BRINP2: variants seen among roughly 807,000 people sequenced by gnomAD.
BRINP2 encodes BMP/retinoic acid-inducible neural-specific protein 2.
In BRINP2, 21 loss-of-function variants were observed where a neutral mutation model predicts 69.2. The observed-to-expected ratio is 0.30, with a 90% confidence interval of 0.22 to 0.44. The LOEUF (loss-of-function observed/expected upper bound fraction) is 0.44, where lower values mean the gene tolerates loss of function less well. BRINP2 is among the 20% of genes least tolerant of loss of function. BRINP2 has a pLI of 1.00. For missense variants in BRINP2, 877 were observed against 986.0 expected, an observed-to-expected ratio of 0.89 and a Z score of 1.48; for synonymous variants, 380 against 394.1, an observed-to-expected ratio of 0.96 and a Z score of 0.42.
chr1:177,243,979 T>C (rs1180895784), intron 2 of BRINP2, among the ~76,000 whole-genome samples: 1 of 36,446 alleles, frequency 2.7e-5, no homozygotes, highest in Non-Finnish European at 5.4e-5. Flanking sequence ...GCTGTGGGGG[T>C]GGGGGTGGGA....
At position 177,278,714 on chromosome 1, in the gene BRINP2, G is replaced by A; in HGVS notation, c.1164G>A (p.Arg388=). 6.2e-7 allele frequency: 1 copy of A among 1,614,186 alleles called. No homozygotes were observed. The highest frequency in any genetic ancestry group is 8.5e-7 in the Non-Finnish European group (1 of 1,180,052). Residue 388 remains arginine, a synonymous_variant, in exon 7 of 8, where the codon CGG becomes CGA. Coordinates refer to ENST00000361539, the MANE Select transcript of BRINP2 (RefSeq NM_021165.4). ...GLKVLFKKTH[R]ILRRLFNLCK... ...AAGTGCTGTTCAAAAAGACCCATCG[G>A]ATCCTACGCCGGCTCTTCAACCTCT...
chr1:177,193,623 G>A (rs965525597), intron 1 of BRINP2, among the ~76,000 whole-genome samples: 6 of 152,128 alleles, frequency 3.9e-5, no homozygotes, highest in East Asian at 1.9e-4. Context: ...CATGGAGAAG[G>A]AAATAAAAGA....
intron 1 of BRINP2, among the ~76,000 whole-genome samples, chr1:177,191,074 T>C (rs1648582612): frequency 6.6e-6 from 1 of 152,168 alleles, no homozygotes; most frequent in Non-Finnish European, 1.5e-5. Context: ...CCAGAGAGCG[T>C]TGTCCTTCCA....
At chr1:177,172,994 A>T (rs1389728736) in intron 1 of BRINP2, among the ~76,000 whole-genome samples, 1 of 152,222 alleles carries the variant, frequency 6.6e-6, no homozygotes, top group African/African-American at 2.4e-5. Flanking sequence ...GCTAAAATAC[A>T]TGCAATGCCA....
chr1:177,248,432 A>C (rs1356965973), intron 2 of BRINP2, among the ~76,000 whole-genome samples: 5 of 149,654 alleles, frequency 3.3e-5, no homozygotes, highest in Admixed American at 1.3e-4. Context: ...ACTGAGGTAC[A>C]GTTTGTGTGT....
intron 4 of BRINP2, among the ~76,000 whole-genome samples, chr1:177,265,535 T>C (rs78740598): frequency 0.022 from 3,325 of 152,298 alleles, 118 homozygotes; most frequent in African/African-American, 0.076. Context: ...TCTAGGTTGC[T>C]ACCATGAGTG....
At chr1:177,243,986 G>GGGGGTC (rs1650294567) in intron 2 of BRINP2, among the ~76,000 whole-genome samples, 1 of 151,376 alleles carries the variant, frequency 6.6e-6, no homozygotes, top group Non-Finnish European at 1.5e-5. Flanking sequence ...GGGTGGGGGT[G>GGGGGTC]GGAAATTGTC....
intron 2 of BRINP2, among the ~76,000 whole-genome samples, chr1:177,240,157 T>G (rs1377377982): frequency 6.6e-6 from 1 of 152,208 alleles, no homozygotes; most frequent in Non-Finnish European, 1.5e-5. Context: ...TCTGCCTCAC[T>G]TGGGGACACA....
In BRINP2 at chr1:177,229,786, T is replaced by G; in HGVS notation, c.-76-15T>G. On this transcript the variant is annotated splice_polypyrimidine_tract_variant and intron_variant, in intron 1 of 7. Coordinates refer to ENST00000361539, the MANE Select transcript of BRINP2 (RefSeq NM_021165.4). ...ACAGGGTGCTCAAATGACAATGCCT[T>G]TTGTACTTTTCCAGCTCCGAGCCCT... 1 of 1,491,426 alleles carries G rather than the reference T, an allele frequency of 6.7e-7. No homozygotes were observed. The highest frequency in any genetic ancestry group is 2.3e-5 in the Admixed American group (1 of 43,584). The allele number at this position is 1,491,426 out of a possible 1,614,324, so 92.4% of individuals were successfully genotyped here.
intron 4 of BRINP2, among the ~76,000 whole-genome samples, chr1:177,259,212 G>C (rs1650862837): frequency 6.6e-6 from 1 of 152,142 alleles, no homozygotes; most frequent in African/African-American, 2.4e-5. Context: ...TGAGTGGTCT[G>C]GATAGAAGAT....
Position 177,184,645 on chromosome 1 carries a change from C to CT in BRINP2, c.-77+12925dup, listed in dbSNP as rs61361222. 5.6e-3 allele frequency among the ~76,000 whole-genome samples: 809 copies of CT among 145,260 alleles called. 3 individuals carry two copies. The highest frequency in any genetic ancestry group is 0.015 in the African/African-American group (610 of 40,218). ...AACATTTTGAAGGTAGAGCCTGAGT[C>CT]TTTTTTTTTTTTAATCATTTTTTTC... is the stretch of plus-strand genomic sequence containing the variant. On this transcript the variant is annotated intron_variant, in intron 1 of 7. Coordinates refer to ENST00000361539, the MANE Select transcript of BRINP2 (RefSeq NM_021165.4).
chr1:177,176,916 G>A (rs1303836014), intron 1 of BRINP2, among the ~76,000 whole-genome samples: 3 of 152,198 alleles, frequency 2.0e-5, no homozygotes, highest in South Asian at 2.1e-4. Flanking sequence ...AGAAATAACC[G>A]AGTAACTAAT....
At chr1:177,273,219 C>T (rs1391266185) in intron 4 of BRINP2, among the ~76,000 whole-genome samples, 1 of 152,210 alleles carries the variant, frequency 6.6e-6, no homozygotes, top group Non-Finnish European at 1.5e-5. Context: ...GCATTCTCCG[C>T]CTTTCCAGAC....
At position 177,250,864 on chromosome 1, in the gene BRINP2, C is replaced by T. The variant is rs528299494; in HGVS notation, c.270-5055C>T. 1.7e-4 allele frequency among the ~76,000 whole-genome samples: 26 copies of T among 152,316 alleles called. No homozygotes were observed. The South Asian group carries it at 5.4e-3, about 32-fold the overall frequency. On this transcript the variant is annotated intron_variant, in intron 2 of 7. Coordinates refer to ENST00000361539, the MANE Select transcript of BRINP2 (RefSeq NM_021165.4). ...AAATCCTGACCTTGCCACCTACTAG[C>T]TTTTAACTACTGAGCAAATTAACTT...
In BRINP2 at chr1:177,273,478, C is replaced by A. The variant is rs201677010; in HGVS notation, c.670-10C>A. ...TATCTAAACCCACTCCCTACTCCTT[C>A]CTTCTCTAGGTCACCGAGACCAGGA... On this transcript the variant is annotated splice_polypyrimidine_tract_variant and intron_variant, in intron 4 of 7. Coordinates refer to ENST00000361539, the MANE Select transcript of BRINP2 (RefSeq NM_021165.4). 8.8e-6 allele frequency: 14 copies of A among 1,595,850 alleles called. No homozygotes were observed. Among genetic ancestry groups the A allele is most frequent in the Non-Finnish European group, 1.2e-5 (14 of 1,169,914 alleles).
intron 6 of BRINP2, among the ~76,000 whole-genome samples, chr1:177,278,297 CTG>C (rs1372483801): frequency 6.6e-6 from 1 of 151,154 alleles, no homozygotes; most frequent in African/African-American, 2.5e-5. Context: ...TCTGGCCCCT[CTG>C]AGGGTGGCAG....
At chr1:177,190,166 A>C (rs776538492) in intron 1 of BRINP2, among the ~76,000 whole-genome samples, 3 of 152,180 alleles carry the variant, frequency 2.0e-5, no homozygotes, top group Admixed American at 6.5e-5. Flanking sequence ...AGTAAATATG[A>C]GTCCCTAACT....
At chr1:177,265,816 A>G (rs529723667) in intron 4 of BRINP2, among the ~76,000 whole-genome samples, 2 of 152,212 alleles carry the variant, frequency 1.3e-5, no homozygotes, top group Admixed American at 1.3e-4. Flanking sequence ...GAAGTTTTCC[A>G]TGAGGTTTAA....
At chr1:177,202,249 G>A (rs1232516328) in intron 1 of BRINP2, among the ~76,000 whole-genome samples, 1 of 152,066 alleles carries the variant, frequency 6.6e-6, no homozygotes, top group East Asian at 1.9e-4. Context: ...GCTAGCTTTT[G>A]AATGTGTTTG....
Sources: gnomAD v4.1 joint callset for allele counts (sites outside exome capture counted in the v4.1 genomes callset) on GRCh38, gnomAD v4.1.1 for gene constraint, MANE v1.5 for transcripts, NCBI Gene and HGNC (gene_info 2026-07-23, HGNC 2026-07-21) for gene names.